DNAJC10: variants seen among roughly 807,000 people sequenced by gnomAD.
DNAJC10 encodes the protein endoplasmic reticulum disulfide reductase DNAJC10.
A neutral mutation model predicts 115.0 loss-of-function variants in DNAJC10; 101 were observed. The observed-to-expected ratio is 0.88, with a 90% CI of 0.75 to 1.04. DNAJC10 has a LOEUF of 1.04. Ranked by LOEUF, DNAJC10 falls within the 50% of genes least tolerant of loss-of-function variation. The probability of loss-of-function intolerance (pLI) is 0.00; values close to 1 mark genes in which losing one functional copy is unlikely to be tolerated. For synonymous variants in DNAJC10, 307 were observed against 301.5 expected, an observed-to-expected ratio of 1.02 and a Z score of -0.19; for missense variants, 981 against 928.8, an observed-to-expected ratio of 1.06 and a Z score of -0.73.
intron 5 of DNAJC10, among the ~76,000 whole-genome samples, chr2:182,725,914 A>G (rs1693271990): frequency 6.6e-6 from 1 of 152,146 alleles, no homozygotes; most frequent in Non-Finnish European, 1.5e-5. Context: ...TCCATTCTGC[A>G]GCCCGTAAAT....
intron 22 of DNAJC10, among the ~76,000 whole-genome samples, chr2:182,771,088 G>A (rs1050641426): frequency 6.6e-6 from 1 of 152,100 alleles, no homozygotes; most frequent in African/African-American, 2.4e-5. Flanking sequence ...CTTTGGTTCT[G>A]TTTATGTGAA....
At position 182,728,576 on chromosome 2, in the gene DNAJC10, A is replaced by G. The variant is rs1168245950; in HGVS notation, c.419A>G (p.Asp140Gly). 3 of 1,604,832 alleles carry G rather than the reference A, an allele frequency of 1.9e-6. No homozygotes were observed. The highest frequency in any genetic ancestry group is 2.6e-6 in the Non-Finnish European group (3 of 1,173,738). Residue 140 changes from aspartate (D) to glycine (G), a missense_variant and splice_region_variant, in exon 6 of 24, where the codon GAT (aspartate) becomes GGT (glycine). Transcript: ENST00000264065. ...TTGTTTGCATTTTATGTATTTTTAG[A>G]TGCTGCTGTTAATTCTGGAGAACTG... ...EIITLERREFDAAVNSGELWF... is the reference protein window; with the variant it reads ...EIITLERREFGAAVNSGELWF...
intron 17 of DNAJC10, among the ~76,000 whole-genome samples, chr2:182,755,823 G>C (rs1694143085): frequency 6.6e-6 from 1 of 152,124 alleles, no homozygotes; most frequent in African/African-American, 2.4e-5. Flanking sequence ...TAGACATCCA[G>C]GCAGCCCTTG....
At position 182,782,083 on chromosome 2, in the gene DNAJC10, C is replaced by A. The variant is rs1201435776; in HGVS notation, c.*4951C>A. The A allele has an allele frequency of 2.0e-5, 3 of 152,104 alleles. No homozygotes were observed. Among genetic ancestry groups the A allele is most frequent in the African/African-American group, 7.2e-5 (3 of 41,430 alleles). The allele number at this position is 152,104 out of a possible 1,614,324, so 9.4% of individuals were successfully genotyped here. ...TTCTAGGTTTTTTATGGTTTCAGAC[C>A]TTACATTTAAGTCTTTAATCTATCA... On this transcript the variant is annotated 3_prime_UTR_variant, in exon 24 of 24. Transcript: ENST00000264065.
At chr2:182,728,765 T>C in intron 6 of DNAJC10, 98 bp from the exon 7 acceptor site, 1 of 1,507,104 alleles carries the variant, frequency 6.6e-7, no homozygotes, top group Non-Finnish European at 9.1e-7. Flanking sequence ...AATTATCAAA[T>C]ACTTTAAATG....
chr2:182,761,006 G>A (rs1041996281), intron 21 of DNAJC10, among the ~76,000 whole-genome samples: 9 of 151,796 alleles, frequency 5.9e-5, no homozygotes, highest in Non-Finnish European at 1.2e-4. Flanking sequence ...TATTAAACAT[G>A]AAAAAGACCA....
At position 182,779,611 on chromosome 2, in the gene DNAJC10, T is replaced by C. The variant is rs1694796830; in HGVS notation, c.*2479T>C. ...TAAATTATGTTTTGGGCATTAATGA[T>C]GTTTGTCTATTCTGATTTCTCAAAT... On this transcript the variant is annotated 3_prime_UTR_variant, in exon 24 of 24. Transcript: ENST00000264065. 1 of 152,212 alleles carries C rather than the reference T, an allele frequency of 6.6e-6. No individual in the cohort carries two copies. Among genetic ancestry groups the C allele is most frequent in the Non-Finnish European group, 1.5e-5 (1 of 68,042 alleles). The allele number at this position is 152,212 out of a possible 1,614,324, so 9.4% of individuals were successfully genotyped here.
At chr2:182,769,021 T>C (rs898252212) in intron 22 of DNAJC10, among the ~76,000 whole-genome samples, 2 of 152,072 alleles carry the variant, frequency 1.3e-5, no homozygotes, top group African/African-American at 4.8e-5. Context: ...TTCCCCCCAC[T>C]GTGTCCAAGT....
rs915868862 is a variant in DNAJC10 at position 182,736,907 on chromosome 2, G to A, written c.987+521G>A. 2.6e-5 allele frequency among the ~76,000 whole-genome samples: 4 copies of A among 152,074 alleles called. No individual in the cohort carries two copies. In the South Asian group the frequency reaches 8.3e-4, roughly 32 times the overall value. ...TGGGATTACAGGCGCCTGCCATCAT[G>A]CCTGGCTAATTTTTGTACTTTTAGT... On this transcript the variant is annotated intron_variant, in intron 11 of 23. Coordinates refer to ENST00000264065, the MANE Select transcript of DNAJC10 (RefSeq NM_018981.4).
intron 11 of DNAJC10, chr2:182,739,505 T>C: frequency 8.5e-7 from 1 of 1,180,992 alleles, no homozygotes; most frequent in Non-Finnish European, 1.1e-6. Flanking sequence ...TCATATACAT[T>C]TTCTTGATGT....
intron 3 of DNAJC10, among the ~76,000 whole-genome samples, chr2:182,719,235 A>ATTT (rs1693079005): frequency 1.4e-5 from 2 of 144,584 alleles, no homozygotes; most frequent in Admixed American, 1.4e-4. Context: ...TTCCGATCCA[A>ATTT]TTTTGGATTG....
At chr2:182,767,583 C>T (rs1023395604) in intron 22 of DNAJC10, among the ~76,000 whole-genome samples, 6 of 152,144 alleles carry the variant, frequency 3.9e-5, no homozygotes, top group South Asian at 2.1e-4. Flanking sequence ...AAGGTGATCA[C>T]GTCGAGGGCA....
At position 182,789,897 on chromosome 2, in the gene DNAJC10, T is replaced by C. The variant is rs558469254; in HGVS notation, c.*12765T>C. ...TTCATATCCCATTGGAGTTTTGATT[T>C]GTACTTTTAGAGTCTTTAAATTATT... is the stretch of plus-strand genomic sequence containing the variant. On this transcript the variant is annotated 3_prime_UTR_variant, in exon 24 of 24. Coordinates refer to ENST00000264065, the MANE Select transcript of DNAJC10 (RefSeq NM_018981.4). 39 of 152,360 alleles carry C rather than the reference T, an allele frequency of 2.6e-4. No individual in the cohort carries two copies. Among genetic ancestry groups the C allele is most frequent in the African/African-American group, 8.7e-4 (36 of 41,590 alleles). 9.4% of individuals were successfully genotyped at this position (152,360 alleles called of 1,614,324 possible).
chr2:182,756,850 G>C (rs1694170262), intron 18 of DNAJC10, among the ~76,000 whole-genome samples: 2 of 152,088 alleles, frequency 1.3e-5, no homozygotes, highest in Admixed American at 1.3e-4. Flanking sequence ...TGTTGGCCAG[G>C]CTGGTCTTGA....
chr2:182,726,016 C>T (rs1379254277), intron 5 of DNAJC10, among the ~76,000 whole-genome samples: 1 of 152,060 alleles, frequency 6.6e-6, no homozygotes, highest in Non-Finnish European at 1.5e-5. Flanking sequence ...CTGATGGATC[C>T]AGGCAAAGTA....
In DNAJC10 at chr2:182,781,361, C is replaced by T. The variant is rs1694842039; in HGVS notation, c.*4229C>T. 4 of 152,190 alleles carry T rather than the reference C, an allele frequency of 2.6e-5. No individual in the cohort carries two copies. Among genetic ancestry groups the T allele is most frequent in the Admixed American group, 6.5e-5 (1 of 15,278 alleles). The allele number at this position is 152,190 out of a possible 1,614,324, so 9.4% of individuals were successfully genotyped here. A position where few individuals can be genotyped will look rare whatever the true frequency, so the allele number is the denominator to read the frequency against. ...GTGCCCGTTTCTTTATCCAGTCTAA[C>T]ATTGATGGGCATTTTGGTTGGTTCC... On this transcript the variant is annotated 3_prime_UTR_variant, in exon 24 of 24. Coordinates refer to ENST00000264065, the MANE Select transcript of DNAJC10 (RefSeq NM_018981.4).
chr2:182,758,670 G>T (rs893497053), intron 19 of DNAJC10, among the ~76,000 whole-genome samples, 167 bp from the exon 20 acceptor site: 6 of 152,164 alleles, frequency 3.9e-5, no homozygotes, highest in Non-Finnish European at 7.4e-5. Flanking sequence ...AAATACATTT[G>T]TGAGGCCTTA....
rs1305887045 is a variant in DNAJC10 at position 182,792,125 on chromosome 2, G to T, written c.*14993G>T. On this transcript the variant is annotated 3_prime_UTR_variant, in exon 24 of 24. Transcript: ENST00000264065. The stretch of plus-strand genomic sequence containing the variant: ...TCTTGACACTCAATACATGTTCAAA[G>T]AGTAAATTAAAGAAAAAAGAGATGC... 2.6e-5 allele frequency: 4 copies of T among 152,078 alleles called. No homozygotes were observed. The highest frequency in any genetic ancestry group is 9.7e-5 in the African/African-American group (4 of 41,418). The allele number at this position is 152,078 out of a possible 1,614,324, so 9.4% of individuals were successfully genotyped here.
chr2:182,752,044 G>A (rs1694034574), intron 15 of DNAJC10, 28 bp from the exon 16 acceptor site: 1 of 1,552,274 alleles, frequency 6.4e-7, no homozygotes, highest in East Asian at 2.2e-5. Flanking sequence ...ATTTGGCTCG[G>A]TGCTTATGAA....
Sources: gnomAD v4.1 joint callset for allele counts (sites outside exome capture counted in the v4.1 genomes callset) on GRCh38, gnomAD v4.1.1 for gene constraint, MANE v1.5 for transcripts, NCBI Gene and HGNC (gene_info 2026-07-23, HGNC 2026-07-21) for gene names.